Variants in CNTN5 observed in about 807,000 individuals in gnomAD.
CNTN5 encodes contactin 5.
CNTN5 carries 77 observed loss-of-function variants against 129.1 expected under a neutral mutation model. That is an observed-to-expected ratio of 0.60 (90% CI 0.50 to 0.72). The LOEUF (loss-of-function observed/expected upper bound fraction) is 0.72. Ranked by LOEUF, CNTN5 falls within the 30% of genes least tolerant of loss-of-function variation. The probability of loss-of-function intolerance (pLI) is 0.00; values close to 1 mark genes in which losing one functional copy is unlikely to be tolerated. For missense variants in CNTN5, 1,478 were observed against 1,328.8 expected (o/e 1.11, Z -1.75); for synonymous variants, 509 against 465.6 (o/e 1.09, Z -1.20).
At chr11:100,304,970 T>C (rs1951313688) in intron 20 of CNTN5, among the ~76,000 whole-genome samples, 1 of 151,390 alleles carries the variant, frequency 6.6e-6, no homozygotes, top group African/African-American at 2.4e-5. Context: ...TTGCCTCTTT[T>C]TTGTTTACTT....
At chr11:99,482,838 C>A (rs1945653552) in intron 2 of CNTN5, among the ~76,000 whole-genome samples, 1 of 150,388 alleles carries the variant, frequency 6.6e-6, no homozygotes, top group Non-Finnish European at 1.5e-5. Context: ...AAGATAATGT[C>A]AAAAAATGAG....
rs981691814 is a variant in CNTN5, at chr11:99,718,111, G to T, written c.56-101433G>T. On this transcript the variant is annotated intron_variant, in intron 3 of 24. Coordinates refer to ENST00000524871, the MANE Select transcript of CNTN5 (RefSeq NM_014361.4). ...GAATTCTACTTGGTCATGCCAATACGCTCTAATTGGAACCTTACACATCTT... is the reference window on the plus strand; with the variant it reads ...GAATTCTACTTGGTCATGCCAATACTCTCTAATTGGAACCTTACACATCTT... Among the ~76,000 whole-genome samples the T allele has an allele frequency of 2.0e-5, 3 of 152,106 alleles. No individual in the cohort carries two copies. In the South Asian group the frequency reaches 6.2e-4, roughly 32 times the overall value.
intron 1 of CNTN5, among the ~76,000 whole-genome samples, chr11:99,035,963 C>T (rs1047272989): frequency 1.8e-4 from 27 of 151,716 alleles, no homozygotes; most frequent in African/African-American, 6.5e-4. Flanking sequence ...TAGGGCAGGC[C>T]TGGTGGTGAC....
chr11:99,222,510 T>C lies in CNTN5; in HGVS notation c.-209-102836T>C, dbSNP rs541554796. On this transcript the variant is annotated intron_variant, in intron 1 of 24. Transcript: ENST00000524871. Reference sequence around the variant, plus strand: ...TTTTACATATGATTAAAATAGAATTTTCAAATCAACCTTATGAACATTTTC... The same window carrying C: ...TTTTACATATGATTAAAATAGAATTCTCAAATCAACCTTATGAACATTTTC... Among the ~76,000 whole-genome samples, 181 of 152,176 alleles carry C rather than the reference T, an allele frequency of 1.2e-3. 1 individual carries two copies. Among genetic ancestry groups the C allele is most frequent in the African/African-American group, 4.3e-3 (180 of 41,552 alleles).
chr11:99,925,456 T>A (rs1442925900), intron 7 of CNTN5, among the ~76,000 whole-genome samples: 3 of 152,206 alleles, frequency 2.0e-5, no homozygotes, highest in Non-Finnish European at 1.5e-5. Context: ...TCCTTCATTG[T>A]AAACACTCTA....
intron 3 of CNTN5, among the ~76,000 whole-genome samples, chr11:99,717,127 T>G (rs1457340818): frequency 6.6e-6 from 1 of 152,118 alleles, no homozygotes; most frequent in African/African-American, 2.4e-5. Flanking sequence ...TTATTTGCTA[T>G]TTTCAGATGT....
At chr11:100,245,925 CT>C (rs1336014378) in intron 16 of CNTN5, among the ~76,000 whole-genome samples, 2 of 152,034 alleles carry the variant, frequency 1.3e-5, no homozygotes, top group African/African-American at 4.8e-5. Flanking sequence ...ATATATAACA[CT>C]TAGCACAATG....
At chr11:99,047,908 T>A (rs936827903) in intron 1 of CNTN5, among the ~76,000 whole-genome samples, 3 of 152,108 alleles carry the variant, frequency 2.0e-5, no homozygotes, top group Non-Finnish European at 2.9e-5. Flanking sequence ...TATGGGACTT[T>A]TACATGATTT....
chr11:99,210,674 T>C (rs1181426263), intron 1 of CNTN5, among the ~76,000 whole-genome samples: 1 of 152,168 alleles, frequency 6.6e-6, no homozygotes, highest in African/African-American at 2.4e-5. Context: ...GTAATTTTTG[T>C]TTAAATCAAA....
chr11:99,076,328 A>AAAAAC (rs959112711), intron 1 of CNTN5, among the ~76,000 whole-genome samples: 15 of 151,934 alleles, frequency 9.9e-5, no homozygotes, highest in African/African-American at 2.4e-4. Flanking sequence ...GGCCCTTCTC[A>AAAAAC]AAAACAAAAC....
chr11:100,044,257 C>G (rs1341653749), intron 9 of CNTN5, among the ~76,000 whole-genome samples: 1 of 151,870 alleles, frequency 6.6e-6, no homozygotes, highest in Non-Finnish European at 1.5e-5. Context: ...GATTCCATAT[C>G]TTTGTTATTG....
intron 1 of CNTN5, among the ~76,000 whole-genome samples, chr11:99,033,956 T>A (rs1488530485): frequency 6.6e-6 from 1 of 151,736 alleles, no homozygotes; most frequent in African/African-American, 2.4e-5. Context: ...AATACCTAAT[T>A]TATTGAGAGT....
chr11:99,403,236 G>A (rs182301764), intron 2 of CNTN5, among the ~76,000 whole-genome samples: 130 of 152,158 alleles, frequency 8.5e-4, no homozygotes, highest in Non-Finnish European at 1.4e-3. Flanking sequence ...TCCTGACCTC[G>A]TGATCTGCCT....
chr11:99,657,334 C>T (rs1296229581), intron 3 of CNTN5, among the ~76,000 whole-genome samples: 1 of 151,882 alleles, frequency 6.6e-6, no homozygotes, highest in Non-Finnish European at 1.5e-5. Flanking sequence ...AATATACCTG[C>T]ATCTATTTTG....
At chr11:99,267,279 A>G (rs1862947518) in intron 1 of CNTN5, among the ~76,000 whole-genome samples, 1 of 152,096 alleles carries the variant, frequency 6.6e-6, no homozygotes, top group Non-Finnish European at 1.5e-5. Context: ...CAATGAAATA[A>G]CCACGTGAGT....
chr11:99,512,434 A>G (rs369056126), intron 2 of CNTN5, among the ~76,000 whole-genome samples: 37 of 152,300 alleles, frequency 2.4e-4, no homozygotes, highest in African/African-American at 8.9e-4. Flanking sequence ...GGCATTTCTC[A>G]AAATATATCC....
intron 3 of CNTN5, among the ~76,000 whole-genome samples, chr11:99,734,917 A>G (rs1943651818): frequency 1.3e-5 from 2 of 152,348 alleles, no homozygotes; most frequent in South Asian, 4.1e-4. Flanking sequence ...CTGAGGCAAG[A>G]GAATGGCGTG....
chr11:99,055,862 G>T (rs1864604772), intron 1 of CNTN5, among the ~76,000 whole-genome samples: 1 of 151,884 alleles, frequency 6.6e-6, no homozygotes, highest in African/African-American at 2.4e-5. Flanking sequence ...TTTGCCTTCA[G>T]GCTCCCTCTA....
intron 4 of CNTN5, among the ~76,000 whole-genome samples, chr11:99,821,839 G>T (rs942938093): frequency 6.6e-6 from 1 of 152,254 alleles, no homozygotes; most frequent in East Asian, 1.9e-4. Flanking sequence ...GAGTGGCAAG[G>T]CTCTAGGCTG....
Sources: allele counts gnomAD v4.1 joint callset (sites outside exome capture counted in the v4.1 genomes callset), GRCh38; gene constraint gnomAD v4.1.1; transcripts MANE v1.5; gene names NCBI Gene and HGNC (gene_info 2026-07-23, HGNC 2026-07-21).